Variants in CLMN observed in about 807,000 individuals in gnomAD.
The protein encoded by CLMN is calmin (calponin-like, transmembrane).
In CLMN, 57 loss-of-function variants were observed where a neutral mutation model predicts 92.7. The observed-to-expected ratio is 0.61, with a 90% CI of 0.50 to 0.77. The LOEUF (loss-of-function observed/expected upper bound fraction) is 0.77. Among genes scored for constraint, CLMN ranks in the 30% least tolerant of loss-of-function variants. The probability of loss-of-function intolerance (pLI) is 0.00; values close to 1 mark genes in which losing one functional copy is unlikely to be tolerated. For synonymous variants in CLMN, 466 were observed against 470.6 expected (o/e 0.99, Z 0.13); for missense variants, 1,158 against 1,237.5 (o/e 0.94, Z 0.96).
chr14:95,318,738 G>C (rs1901906445), intron 1 of CLMN, among the ~76,000 whole-genome samples: 1 of 152,110 alleles, frequency 6.6e-6, no homozygotes, highest in Non-Finnish European at 1.5e-5. Flanking sequence ...AGGTCAATGT[G>C]GGTGAAGAAG....
At position 95,187,486 on chromosome 14, in the gene CLMN, G is replaced by A. The variant is rs1276937595; in HGVS notation, c.*4078C>T. 2.0e-5 allele frequency: 3 copies of A among 152,196 alleles called. No homozygotes were observed. The highest frequency in any genetic ancestry group is 4.2e-4 in the South Asian group (2 of 4,818). The allele number at this position is 152,196 out of a possible 1,614,324, so 9.4% of individuals were successfully genotyped here. On this transcript the variant is annotated 3_prime_UTR_variant, in exon 13 of 13. Coordinates refer to ENST00000298912, the MANE Select transcript of CLMN (RefSeq NM_024734.4). ...CCCTGTGGCCTCCAGGAGAGGCTTGGGGATTGGAATAGGAGGGATGGGGTG... is the reference window on the plus strand; with the variant it reads ...CCCTGTGGCCTCCAGGAGAGGCTTGAGGATTGGAATAGGAGGGATGGGGTG...
chr14:95,205,305 A>C (rs889632311), intron 8 of CLMN, among the ~76,000 whole-genome samples: 2 of 152,234 alleles, frequency 1.3e-5, no homozygotes, highest in Admixed American at 6.5e-5. Context: ...ATTACAAGAC[A>C]TGAAGAGGCA....
At chr14:95,255,139 C>T (rs138863450) in intron 1 of CLMN, among the ~76,000 whole-genome samples, 2,566 of 152,266 alleles carry the variant, frequency 0.017, 45 homozygotes, top group Middle Eastern at 0.044. Context: ...GGGCAGGGGA[C>T]GGCCATCTGC....
intron 1 of CLMN, among the ~76,000 whole-genome samples, chr14:95,292,999 G>A (rs573622290): frequency 1.5e-4 from 23 of 152,258 alleles, no homozygotes; most frequent in African/African-American, 4.6e-4. Context: ...GCACATAGCC[G>A]TCCATGGCCA....
At chr14:95,261,863 C>T (rs1251338020) in intron 1 of CLMN, among the ~76,000 whole-genome samples, 1 of 152,264 alleles carries the variant, frequency 6.6e-6, no homozygotes, top group African/African-American at 2.4e-5. Context: ...GCTTCTGCGT[C>T]CCTGGCCTCT....
chr14:95,192,789 A>G (rs1896593019), intron 12 of CLMN: 1 of 153,252 alleles, frequency 6.5e-6, no homozygotes, highest in South Asian at 2.0e-4. Flanking sequence ...GGCGTGAGCC[A>G]CCATGCGCAG....
chr14:95,204,110 C>T lies in CLMN; in HGVS notation c.1239G>A (p.Glu413=), dbSNP rs577281203. 11 of 1,614,168 alleles carry T rather than the reference C, an allele frequency of 6.8e-6. No individual in the cohort carries two copies. The South Asian group carries it at 1.2e-4, about 18-fold the overall frequency. The change falls in exon 9 of 13, where the codon GAG becomes GAA. Residue 413 remains glutamate, a synonymous_variant. Coordinates refer to ENST00000298912, the MANE Select transcript of CLMN (RefSeq NM_024734.4). ...TCGGCAAAGAGTTGGACCTCCCGTTCTCCTTTCTGGATGATAAAATGGAGG... is the reference window on the plus strand; with the variant it reads ...TCGGCAAAGAGTTGGACCTCCCGTTTTCCTTTCTGGATGATAAAATGGAGG... ...PESSILSSRK[E]NGRSNSLPIK...
intron 12 of CLMN, chr14:95,193,493 A>G: frequency 1.1e-6 from 1 of 915,902 alleles, no homozygotes; most frequent in Non-Finnish European, 1.6e-6. Context: ...CAAGACCACC[A>G]CCTCTTCTCC....
intron 8 of CLMN, among the ~76,000 whole-genome samples, chr14:95,207,364 C>A (rs1897074803): frequency 6.6e-6 from 1 of 152,192 alleles, no homozygotes; most frequent in South Asian, 2.1e-4. Flanking sequence ...AAGCAATCCT[C>A]CTGCTTCAGC....
At position 95,256,435 on chromosome 14, in the gene CLMN, T is replaced by A. The variant is rs1428473900; in HGVS notation, c.83-26302A>T. Among the ~76,000 whole-genome samples the A allele has an allele frequency of 6.6e-6, 1 of 152,226 alleles. No homozygotes were observed. Among genetic ancestry groups the A allele is most frequent in the African/African-American group, 2.4e-5 (1 of 41,466 alleles). ...AACAGATAATTGCAGTGCTTGACACTGAGAAGCACTCTAACTCCTTCTTTG... is the reference window on the plus strand; with the variant it reads ...AACAGATAATTGCAGTGCTTGACACAGAGAAGCACTCTAACTCCTTCTTTG... On this transcript the variant is annotated intron_variant, in intron 1 of 12. Transcript: ENST00000298912. This position sits in a 1 kb window ranked among gnomAD's most constrained non-coding sequence, Gnocchi z 4.9.
chr14:95,225,491 C>T (rs1897682727), intron 2 of CLMN, among the ~76,000 whole-genome samples: 1 of 152,246 alleles, frequency 6.6e-6, no homozygotes, highest in Non-Finnish European at 1.5e-5. Context: ...GGCCCATTCC[C>T]ACCTGCTGAC....
At chr14:95,319,303 TCACACA>T (rs60670197) in intron 1 of CLMN, among the ~76,000 whole-genome samples, 36,638 of 144,082 alleles carry the variant, frequency 0.25, 5,195 homozygotes, top group Non-Finnish European at 0.33. Context: ...GTGCGCGAAC[TCACACA>T]CACACACACA....
chr14:95,245,184 A>G, intron 1 of CLMN, among the ~76,000 whole-genome samples: 1 of 42,584 alleles, frequency 2.3e-5, no homozygotes, highest in South Asian at 7.6e-4. Flanking sequence ...TTATATATAT[A>G]TATATATATA....
At chr14:95,260,579 A>AT in intron 1 of CLMN, 1 of 152,234 alleles carries the variant, frequency 6.6e-6, no homozygotes, top group Non-Finnish European at 1.5e-5. Flanking sequence ...GGAGCTTGTG[A>AT]TTTTGACACA....
Position 95,205,082 on chromosome 14 carries a change from A to G in CLMN, c.886-619T>C, listed in dbSNP as rs1010278062. On this transcript the variant is annotated intron_variant, in intron 8 of 12. Transcript: ENST00000298912. ...AGTGCTTGACTCCCAATGCACCGAT[A>G]GTGTGAATTGACTTCAGCCTCAAAT... Among the ~76,000 whole-genome samples the G allele has an allele frequency of 2.0e-5, 3 of 152,202 alleles. 1 individual carries two copies. Among genetic ancestry groups the G allele is most frequent in the East Asian group, 3.8e-4 (2 of 5,196 alleles).
rs569562564 is a variant in CLMN, at chr14:95,300,249, G to A, written c.82+19462C>T. Reference sequence around the variant, plus strand: ...CACCCAGTGCGGGAGTCACCACAGTGTGACAATGAAGTGGCACCCCAAAGC... The same window carrying A: ...CACCCAGTGCGGGAGTCACCACAGTATGACAATGAAGTGGCACCCCAAAGC... On this transcript the variant is annotated intron_variant, in intron 1 of 12. Coordinates refer to ENST00000298912, the MANE Select transcript of CLMN (RefSeq NM_024734.4). 8.2e-4 allele frequency among the ~76,000 whole-genome samples: 125 copies of A among 152,320 alleles called. 1 individual carries two copies. In the South Asian group the frequency reaches 0.012, roughly 14 times the overall value.
intron 4 of CLMN, 143 bp from the exon 5 acceptor site, chr14:95,215,876 T>C (rs1897329650): frequency 7.4e-6 from 5 of 678,294 alleles, no homozygotes; most frequent in African/African-American, 1.8e-5. Context: ...TGAGCCTGTT[T>C]TTCTTACTTA....
intron 1 of CLMN, among the ~76,000 whole-genome samples, chr14:95,312,771 G>A (rs925849111): frequency 6.6e-6 from 1 of 152,160 alleles, no homozygotes; most frequent in Non-Finnish European, 1.5e-5. Flanking sequence ...CGTGGCAGGG[G>A]TTCCAAGATA....
chr14:95,206,697 C>T (rs1897055053), intron 8 of CLMN, among the ~76,000 whole-genome samples: 1 of 152,216 alleles, frequency 6.6e-6, no homozygotes. Flanking sequence ...TTCTGTGAAC[C>T]AGAATGACTT....
Sources: allele counts gnomAD v4.1 joint callset (sites outside exome capture counted in the v4.1 genomes callset), GRCh38; gene constraint gnomAD v4.1.1; non-coding constraint Gnocchi (gnomAD v3.1); transcripts MANE v1.5; gene names NCBI Gene and HGNC (gene_info 2026-07-23, HGNC 2026-07-21).